DOK6: variants seen among roughly 807,000 people sequenced by gnomAD.
DOK6 encodes the protein downstream of tyrosine kinase 6.
DOK6 carries 22 observed loss-of-function variants against 44.0 expected under a neutral mutation model. That is an observed-to-expected ratio of 0.50 (90% CI 0.36 to 0.71). The LOEUF (loss-of-function observed/expected upper bound fraction) is 0.71. Ranked by LOEUF, DOK6 falls within the 30% of genes least tolerant of loss-of-function variation. The pLI is 0.00. For synonymous variants in DOK6, 166 were observed against 145.5 expected, an observed-to-expected ratio of 1.14 and a Z score of -1.01; for missense variants, 340 against 416.4, an observed-to-expected ratio of 0.82 and a Z score of 1.60.
chr18:69,517,350 G>A (rs920145208), intron 1 of DOK6, among the ~76,000 whole-genome samples: 4 of 152,080 alleles, frequency 2.6e-5, no homozygotes, highest in Non-Finnish European at 4.4e-5. Context: ...TTTTGCTTAT[G>A]TAATTTTTTA....
intron 7 of DOK6, among the ~76,000 whole-genome samples, chr18:69,792,238 C>T: frequency 6.6e-6 from 1 of 151,934 alleles, no homozygotes; most frequent in East Asian, 1.9e-4. Flanking sequence ...TATTCTGTAT[C>T]TTTTGTAGTT....
intron 1 of DOK6, among the ~76,000 whole-genome samples, chr18:69,442,914 A>G (rs1979177134): frequency 6.6e-6 from 1 of 152,228 alleles, no homozygotes. Context: ...CTCACTGCAT[A>G]CTAATAGCAC....
Position 69,564,586 on chromosome 18 carries a change from T to C in DOK6, c.166T>C (p.Phe56Leu). ...PDEKAAYFRN[F>L]HKVTELHNIK... ...TGAAAAGGCAGCTTATTTCAGAAAC[T>C]TTCATAAGGTAAGTCACAGTCCTGG... Residue 56 changes from phenylalanine (F) to leucine (L), a missense_variant, in exon 2 of 8, where the codon TTT becomes CTT. Physicochemically the swap from Phe to Leu is conservative, Grantham distance 22. Transcript: ENST00000382713. 2 of 1,612,896 alleles carry C rather than the reference T, an allele frequency of 1.2e-6. No individual in the cohort carries two copies. The highest frequency in any genetic ancestry group is 2.2e-5 in the South Asian group (2 of 90,924).
chr18:69,509,443 C>T (rs988943990), intron 1 of DOK6, among the ~76,000 whole-genome samples: 154 of 152,100 alleles, frequency 1.0e-3, no homozygotes, highest in Admixed American at 2.2e-3. Context: ...CGAGACCATC[C>T]TGGCTAACAT....
chr18:69,698,905 G>T (rs558748038), intron 5 of DOK6, among the ~76,000 whole-genome samples: 3 of 151,954 alleles, frequency 2.0e-5, no homozygotes, highest in African/African-American at 7.2e-5. Context: ...CTATATTTTC[G>T]GTGTGCCTGT....
Position 69,708,470 on chromosome 18 carries a change from C to T in DOK6, c.599+9877C>T, listed in dbSNP as rs28380617. Among the ~76,000 whole-genome samples the T allele has an allele frequency of 9.0e-3, 1,368 of 152,194 alleles. 21 individuals carry two copies. Among genetic ancestry groups the T allele is most frequent in the African/African-American group, 0.03 (1,243 of 41,512 alleles). On this transcript the variant is annotated intron_variant, in intron 5 of 7. Coordinates refer to ENST00000382713, the MANE Select transcript of DOK6 (RefSeq NM_152721.6). The stretch of plus-strand genomic sequence containing the variant: ...TACTCTGCTATGTCCACCTTCAGTG[C>T]TGATATGAGGATCAAATGAAATAAT...
chr18:69,630,914 A>G (rs1158209071), intron 3 of DOK6, among the ~76,000 whole-genome samples: 5 of 152,196 alleles, frequency 3.3e-5, no homozygotes, highest in African/African-American at 9.6e-5. Flanking sequence ...TAAAAAGTAG[A>G]TGCCCCAAGT....
chr18:69,704,634 A>C (rs894787416), intron 5 of DOK6, among the ~76,000 whole-genome samples: 6 of 151,902 alleles, frequency 3.9e-5, no homozygotes, highest in African/African-American at 1.5e-4. Flanking sequence ...GCCCGCCACC[A>C]TGCCCAGCTA....
chr18:69,490,652 T>C (rs1426870571), intron 1 of DOK6, among the ~76,000 whole-genome samples: 1 of 152,168 alleles, frequency 6.6e-6, no homozygotes, highest in African/African-American at 2.4e-5. Flanking sequence ...ACTAATATAA[T>C]AATTTCCCAA....
chr18:69,819,542 A>T (rs573809360), intron 7 of DOK6, among the ~76,000 whole-genome samples: 9 of 152,144 alleles, frequency 5.9e-5, no homozygotes, highest in Non-Finnish European at 1.3e-4. Context: ...TTAACATGAG[A>T]TCCACCTTCT....
At chr18:69,769,319 T>C (rs998561123) in intron 7 of DOK6, among the ~76,000 whole-genome samples, 7 of 152,116 alleles carry the variant, frequency 4.6e-5, no homozygotes, top group African/African-American at 1.7e-4. Context: ...TTCTTCCAGA[T>C]AAACATGGAA....
At chr18:69,405,348 G>A (rs1379045400) in intron 1 of DOK6, among the ~76,000 whole-genome samples, 18 of 152,082 alleles carry the variant, frequency 1.2e-4, no homozygotes, top group Non-Finnish European at 1.6e-4. Context: ...AGCTGGACAC[G>A]GTGGCTCACG....
intron 4 of DOK6, among the ~76,000 whole-genome samples, chr18:69,691,628 A>G (rs7232832): frequency 0.82 from 125,158 of 152,112 alleles, 51,786 homozygotes; most frequent in East Asian, 0.98. Context: ...ATGGGTCTGA[A>G]GCTGTTTGTG....
At chr18:69,682,582 C>T (rs549202823) in intron 4 of DOK6, among the ~76,000 whole-genome samples, 7 of 152,276 alleles carry the variant, frequency 4.6e-5, no homozygotes, top group African/African-American at 1.4e-4. Context: ...ACAATTTGAG[C>T]CTTTGAATAT....
intron 5 of DOK6, among the ~76,000 whole-genome samples, 163 bp from the exon 6 acceptor site, chr18:69,738,802 A>G (rs1978699398): frequency 6.6e-6 from 1 of 152,190 alleles, no homozygotes; most frequent in African/African-American, 2.4e-5. Context: ...TACCATATAA[A>G]GATGCACTTT....
chr18:69,645,803 C>T (rs1260980902), intron 3 of DOK6, among the ~76,000 whole-genome samples: 2 of 152,140 alleles, frequency 1.3e-5, no homozygotes, highest in Non-Finnish European at 2.9e-5. Context: ...GGTGCGTAAA[C>T]TTCTCAAGGA....
intron 2 of DOK6, among the ~76,000 whole-genome samples, chr18:69,581,138 A>C (rs1359398166): frequency 6.6e-6 from 1 of 152,232 alleles, no homozygotes; most frequent in Admixed American, 6.5e-5. Flanking sequence ...CTTAAAGTAA[A>C]CAGTGTCATA....
chr18:69,737,102 C>T (rs1978636338), intron 5 of DOK6, among the ~76,000 whole-genome samples: 1 of 152,144 alleles, frequency 6.6e-6, no homozygotes, highest in South Asian at 2.1e-4. Flanking sequence ...TCTATCTGTT[C>T]CCTAACAGCC....
chr18:69,477,465 G>T (rs1360407669), intron 1 of DOK6, among the ~76,000 whole-genome samples: 1 of 152,172 alleles, frequency 6.6e-6, no homozygotes, highest in African/African-American at 2.4e-5. Context: ...AAAACTTAAA[G>T]CAAGAGGGAG....
Sources: allele counts gnomAD v4.1 joint callset (sites outside exome capture counted in the v4.1 genomes callset), GRCh38; gene constraint gnomAD v4.1.1; transcripts MANE v1.5; gene names NCBI Gene and HGNC (gene_info 2026-07-23, HGNC 2026-07-21).